The following MBD2 variants were observed in gnomAD, a reference collection of about 807,000 sequenced individuals.
MBD2 encodes methyl-CpG-binding domain protein 2.
A neutral mutation model predicts 39.3 loss-of-function variants in MBD2; 9 were observed. The observed-to-expected ratio is 0.23, with a 90% CI of 0.14 to 0.40. MBD2 has a LOEUF of 0.40. Among genes scored for constraint, MBD2 ranks in the 10% least tolerant of loss-of-function variants. MBD2 has a pLI of 1.00. For missense variants in MBD2, 458 were observed against 532.6 expected, an observed-to-expected ratio of 0.86 and a Z score of 1.38; for synonymous variants, 233 against 211.1, an observed-to-expected ratio of 1.10 and a Z score of -0.90.
chr18:54,177,520 G>T (rs2086220108), intron 3 of MBD2, among the ~76,000 whole-genome samples: 1 of 150,766 alleles, frequency 6.6e-6, no homozygotes, highest in South Asian at 2.1e-4. Context: ...TCGCTCTGTC[G>T]CCCTGGCTGG....
rs1488455053 is a variant in MBD2 at position 54,224,647 on chromosome 18, C to A, written c.-88G>T. Reference sequence around the variant, plus strand: ...CCCGCCCCGCCCGCAGCGCGGCGCGCGGGGGACGCGCGCAAGCATCATAGA... The same window carrying A: ...CCCGCCCCGCCCGCAGCGCGGCGCGAGGGGGACGCGCGCAAGCATCATAGA... On this transcript the variant is annotated 5_prime_UTR_variant, in exon 1 of 7. Transcript: ENST00000256429. 3.1e-6 allele frequency: 3 copies of A among 980,292 alleles called. No homozygotes were observed. The highest frequency in any genetic ancestry group is 5.2e-5 in the South Asian group (1 of 19,378). 60.7% of individuals were successfully genotyped at this position (980,292 alleles called of 1,614,324 possible).
chr18:54,152,518 C>T lies in MBD2; in HGVS notation c.*2806G>A, dbSNP rs1049243557. The T allele has an allele frequency of 9.9e-5, 15 of 152,112 alleles. No homozygotes were observed. Among genetic ancestry groups the T allele is most frequent in the African/African-American group, 3.6e-4 (15 of 41,358 alleles). 9.4% of individuals were successfully genotyped at this position (152,112 alleles called of 1,614,324 possible). On this transcript the variant is annotated 3_prime_UTR_variant, in exon 7 of 7. Coordinates refer to ENST00000256429, the MANE Select transcript of MBD2 (RefSeq NM_003927.5). ...GGGCTGTAACGGGAAATCAGACAAACACATCCTTGCTCTCATGGAGCTTAC... is the reference window on the plus strand; with the variant it reads ...GGGCTGTAACGGGAAATCAGACAAATACATCCTTGCTCTCATGGAGCTTAC...
At chr18:54,195,567 T>A (rs768756899) in intron 2 of MBD2, among the ~76,000 whole-genome samples, 16 of 152,224 alleles carry the variant, frequency 1.1e-4, no homozygotes, top group Non-Finnish European at 2.2e-4. Context: ...AGCTATTGGA[T>A]AAAATTCTTA....
In MBD2 at chr18:54,152,261, G is replaced by T. The variant is rs1320627201; in HGVS notation, c.*3063C>A. 6.6e-6 allele frequency: 1 copy of T among 152,244 alleles called. No homozygotes were observed. The highest frequency in any genetic ancestry group is 1.5e-5 in the Non-Finnish European group (1 of 68,092). 9.4% of individuals were successfully genotyped at this position (152,244 alleles called of 1,614,324 possible). ...CCATGTAGACGGGCAGGCAAAGGGT[G>T]TTTCAGGCAAAGGGAACAACAGGTA... On this transcript the variant is annotated 3_prime_UTR_variant, in exon 7 of 7. Transcript: ENST00000256429.
At chr18:54,169,365 T>C in intron 3 of MBD2, among the ~76,000 whole-genome samples, 1 of 150,958 alleles carries the variant, frequency 6.6e-6, no homozygotes, top group African/African-American at 2.5e-5. Flanking sequence ...CTCACCAAAT[T>C]CCATGATCTT....
intron 1 of MBD2, among the ~76,000 whole-genome samples, chr18:54,207,693 T>C (rs1403971548): frequency 1.3e-5 from 2 of 152,238 alleles, no homozygotes; most frequent in African/African-American, 4.8e-5. Flanking sequence ...ACTAATGACC[T>C]AAATTAATAT....
chr18:54,216,262 C>T (rs1024855146), intron 1 of MBD2, among the ~76,000 whole-genome samples: 1 of 152,178 alleles, frequency 6.6e-6, no homozygotes, highest in African/African-American at 2.4e-5. Context: ...ATTACATTTA[C>T]TTCAGCTATT....
chr18:54,174,634 T>C (rs553119613), intron 3 of MBD2, among the ~76,000 whole-genome samples: 2 of 152,386 alleles, frequency 1.3e-5, no homozygotes, highest in East Asian at 1.9e-4. Flanking sequence ...GCTAGAAATG[T>C]GGTTGTAATT....
At chr18:54,207,906 C>T (rs1439413622) in intron 1 of MBD2, among the ~76,000 whole-genome samples, 2 of 152,078 alleles carry the variant, frequency 1.3e-5, no homozygotes, top group African/African-American at 4.8e-5. Context: ...GGCGTGGTGG[C>T]GGGCGCCTGT....
At position 54,188,859 on chromosome 18, in the gene MBD2, G is replaced by A. The variant is rs772107709; in HGVS notation, c.840+15C>T. ...TTTCTGAAAAATAAGATTGGAGAAC[G>A]AATTAGATCCTTACCTGACGTGGCT... On this transcript the variant is annotated intron_variant, in intron 3 of 6. Coordinates refer to ENST00000256429, the MANE Select transcript of MBD2 (RefSeq NM_003927.5). 1.9e-6 allele frequency: 3 copies of A among 1,586,474 alleles called. No individual in the cohort carries two copies. The highest frequency in any genetic ancestry group is 1.7e-6 in the Non-Finnish European group (2 of 1,163,828).
intron 1 of MBD2, among the ~76,000 whole-genome samples, chr18:54,212,515 A>C (rs2086516661): frequency 6.6e-6 from 1 of 152,180 alleles, no homozygotes; most frequent in African/African-American, 2.4e-5. Context: ...TCAAATAATG[A>C]AGGTTGGGTC....
In MBD2 at chr18:54,224,240, TCGC is replaced by T. The variant is rs1017214268; in HGVS notation, c.317_319del (p.Gly106del). 3 of 991,452 alleles carry T rather than the reference TCGC, an allele frequency of 3.0e-6. No homozygotes were observed. The highest frequency in any genetic ancestry group is 1.8e-5 in the African/African-American group (1 of 55,058). 61.4% of individuals were successfully genotyped at this position (991,452 alleles called of 1,614,324 possible). On this transcript the variant is annotated inframe_deletion, in exon 1 of 7. Coordinates refer to ENST00000256429, the MANE Select transcript of MBD2 (RefSeq NM_003927.5). ...GCCGCCGCCGCCGCAGCCGCCGCCG[TCGC>T]CGCCAAGGCCGCTGCCGCCACTCGG...
At chr18:54,221,227 G>A (rs897163565) in intron 1 of MBD2, among the ~76,000 whole-genome samples, 1 of 152,132 alleles carries the variant, frequency 6.6e-6, no homozygotes, top group African/African-American at 2.4e-5. Flanking sequence ...GGAGGCCAAG[G>A]CGGGTGGATC....
intron 6 of MBD2, among the ~76,000 whole-genome samples, chr18:54,157,401 C>T (rs952843596): frequency 6.6e-6 from 1 of 152,026 alleles, no homozygotes; most frequent in Non-Finnish European, 1.5e-5. Context: ...GTTGGGATTA[C>T]AGGTGCCCGC....
chr18:54,177,159 G>A (rs1466609853), intron 3 of MBD2, among the ~76,000 whole-genome samples: 11 of 152,186 alleles, frequency 7.2e-5, no homozygotes, highest in East Asian at 1.9e-4. Context: ...TTATTGATAC[G>A]CAAGTTCATA....
intron 3 of MBD2, among the ~76,000 whole-genome samples, chr18:54,183,619 C>T (rs1262062830): frequency 6.6e-6 from 1 of 152,184 alleles, no homozygotes; most frequent in Admixed American, 6.5e-5. Context: ...CTGAAAAGAA[C>T]AGTTTCAGTG....
Position 54,159,794 on chromosome 18 carries a change from T to C in MBD2, c.1219A>G (p.Ser407Gly), listed in dbSNP as rs777882336. 1 of 1,611,280 alleles carries C rather than the reference T, an allele frequency of 6.2e-7. No individual in the cohort carries two copies. The highest frequency in any genetic ancestry group is 1.7e-5 in the Admixed American group (1 of 60,020). Residue 407 changes from serine to glycine, a missense_variant, in exon 6 of 7, where the codon AGT becomes GGT. By Grantham distance (56) the Ser-to-Gly change is moderately conservative. Transcript: ENST00000256429. The stretch of plus-strand genomic sequence containing the variant: ...TCATATTCTTAGGCTTCATCTCCAC[T>C]GTCCATTTCAATATCCATCTCTTCT... ...DTEEMDIEMDSGDEA is the reference protein window; with the variant it reads ...DTEEMDIEMDGGDEA
chr18:54,168,655 G>C (rs999602672), intron 3 of MBD2, among the ~76,000 whole-genome samples: 1 of 108,762 alleles, frequency 9.2e-6, no homozygotes, highest in African/African-American at 4.4e-5. Flanking sequence ...GTGTGTGTGT[G>C]TGTGTGTATC....
chr18:54,163,101 G>C (rs975701413), intron 5 of MBD2, among the ~76,000 whole-genome samples: 26 of 151,966 alleles, frequency 1.7e-4, no homozygotes, highest in Non-Finnish European at 3.5e-4. Flanking sequence ...GTGAAACCCT[G>C]TCTCTACTAA....
Sources: allele counts gnomAD v4.1 joint callset (sites outside exome capture counted in the v4.1 genomes callset), GRCh38; gene constraint gnomAD v4.1.1; transcripts MANE v1.5; gene names NCBI Gene and HGNC (gene_info 2026-07-23, HGNC 2026-07-21).